FAM171A1: variants seen among roughly 807,000 people sequenced by gnomAD.
FAM171A1 encodes protein FAM171A1.
Under a neutral mutation model 74.9 loss-of-function variants are expected in FAM171A1, and 23 were observed. The observed-to-expected ratio is 0.31, with a 90% CI of 0.22 to 0.44. The LOEUF is 0.44. Among genes scored for constraint, FAM171A1 ranks in the 20% least tolerant of loss-of-function variants. The pLI is 1.00. For synonymous variants in FAM171A1, 527 were observed against 505.7 expected, an observed-to-expected ratio of 1.04 and a Z score of -0.57; for missense variants, 1,162 against 1,159.2, an observed-to-expected ratio of 1.00 and a Z score of -0.03.
intron 3 of FAM171A1, among the ~76,000 whole-genome samples, chr10:15,258,409 T>G (rs1399035418): frequency 6.6e-6 from 1 of 152,196 alleles, no homozygotes; most frequent in Non-Finnish European, 1.5e-5. Flanking sequence ...ATTTAACTTT[T>G]GCTTATTCAT....
At chr10:15,304,459 A>G (rs1355664572) in intron 1 of FAM171A1, among the ~76,000 whole-genome samples, 7 of 152,116 alleles carry the variant, frequency 4.6e-5, no homozygotes, top group Non-Finnish European at 1.0e-4. Context: ...CGCCAGGGCC[A>G]GGTACCAGTC....
intron 5 of FAM171A1, chr10:15,240,705 A>C (rs1256920945): frequency 1.0e-6 from 1 of 984,876 alleles, no homozygotes; most frequent in Non-Finnish European, 1.2e-6. Flanking sequence ...AAAGTGTGTG[A>C]GTTAGAGTTA....
intron 1 of FAM171A1, among the ~76,000 whole-genome samples, chr10:15,326,191 A>C (rs923897820): frequency 6.6e-6 from 1 of 152,062 alleles, no homozygotes; most frequent in South Asian, 2.1e-4. Context: ...CTCCCCTGTA[A>C]CCCATCATTT....
chr10:15,331,867 ATG>A lies in FAM171A1; in HGVS notation c.97+39087_97+39088del, dbSNP rs58180755. Among the ~76,000 whole-genome samples the A allele has an allele frequency of 3.6e-4, 30 of 83,024 alleles. 2 individuals carry two copies. The East Asian group carries it at 5.5e-3, about 15-fold the overall frequency. 54.5% of individuals were successfully genotyped at this position (83,024 alleles called of 152,430 possible). On this transcript the variant is annotated intron_variant, in intron 1 of 7. Transcript: ENST00000378116. ...TGTGTATATATATGTGTGTATATATATGTGTGTGTATACATATATATATATAT... is the reference window on the plus strand; with the variant it reads ...TGTGTATATATATGTGTGTATATATATGTGTGTATACATATATATATATAT...
At chr10:15,305,784 C>T (rs1008777809) in intron 1 of FAM171A1, among the ~76,000 whole-genome samples, 1 of 149,990 alleles carries the variant, frequency 6.7e-6, no homozygotes, top group Admixed American at 6.7e-5. Context: ...ATCCAATATG[C>T]AAATTGGACT....
chr10:15,227,896 A>G (rs1834129576), intron 5 of FAM171A1, among the ~76,000 whole-genome samples: 1 of 152,222 alleles, frequency 6.6e-6, no homozygotes, highest in African/African-American at 2.4e-5. Flanking sequence ...ACAGGCAGGG[A>G]AAGATGTGTC....
chr10:15,316,855 C>T (rs538683800), intron 1 of FAM171A1, among the ~76,000 whole-genome samples: 22 of 152,270 alleles, frequency 1.4e-4, no homozygotes, highest in African/African-American at 4.8e-4. Flanking sequence ...CTTTGACAAG[C>T]AGTTTTACTT....
At chr10:15,230,562 G>A (rs763462122) in intron 5 of FAM171A1, among the ~76,000 whole-genome samples, 12 of 152,198 alleles carry the variant, frequency 7.9e-5, no homozygotes, top group Non-Finnish European at 1.3e-4. Context: ...AAATTAACAC[G>A]ATGACTGTAT....
chr10:15,325,648 GC>G (rs1170009294), intron 1 of FAM171A1, among the ~76,000 whole-genome samples: 1 of 152,158 alleles, frequency 6.6e-6, no homozygotes, highest in Non-Finnish European at 1.5e-5. Context: ...CGTTCCATGG[GC>G]CCCACGGAGT....
intron 1 of FAM171A1, among the ~76,000 whole-genome samples, chr10:15,310,205 G>A (rs1835344095): frequency 6.6e-6 from 1 of 152,172 alleles, no homozygotes; most frequent in Non-Finnish European, 1.5e-5. Context: ...GGAATTTGGT[G>A]GGTAAGAGGA....
chr10:15,217,554 A>G (rs938887136), intron 6 of FAM171A1, among the ~76,000 whole-genome samples: 2 of 152,202 alleles, frequency 1.3e-5, no homozygotes, highest in Non-Finnish European at 2.9e-5. Flanking sequence ...AATTACTTCA[A>G]TGGAGTGCGA....
chr10:15,338,357 C>A (rs1273276815), intron 1 of FAM171A1, among the ~76,000 whole-genome samples: 1 of 152,174 alleles, frequency 6.6e-6, no homozygotes. Context: ...CATTATGTGC[C>A]TATCAAACTA....
chr10:15,317,242 A>G (rs1257272746), intron 1 of FAM171A1, among the ~76,000 whole-genome samples: 1 of 152,144 alleles, frequency 6.6e-6, no homozygotes, highest in Non-Finnish European at 1.5e-5. Flanking sequence ...GGAGAGAGAC[A>G]GGGGTCGCAT....
intron 3 of FAM171A1, among the ~76,000 whole-genome samples, chr10:15,270,377 G>A (rs768696679): frequency 1.3e-5 from 2 of 152,232 alleles, no homozygotes; most frequent in African/African-American, 2.4e-5. Context: ...CAAAATGGCT[G>A]GGAAGCTCGA....
At chr10:15,287,584 C>T (rs1054415622) in intron 1 of FAM171A1, among the ~76,000 whole-genome samples, 3 of 151,998 alleles carry the variant, frequency 2.0e-5, no homozygotes, top group African/African-American at 4.8e-5. Context: ...GACGGGCTTT[C>T]ACCACGTTGG....
At chr10:15,370,240 C>CTTT (rs34087157) in intron 1 of FAM171A1, among the ~76,000 whole-genome samples, 6 of 110,860 alleles carry the variant, frequency 5.4e-5, no homozygotes, top group Admixed American at 9.3e-5. Flanking sequence ...AAGGATTTTT[C>CTTT]TTTTTTTTTT....
At chr10:15,356,539 C>G (rs145393615) in intron 1 of FAM171A1, among the ~76,000 whole-genome samples, 515 of 152,164 alleles carry the variant, frequency 3.4e-3, no homozygotes, top group African/African-American at 0.012. Context: ...CAGCCAAACA[C>G]TAGAAATAAC....
chr10:15,325,871 A>G (rs1835549521), intron 1 of FAM171A1, among the ~76,000 whole-genome samples: 1 of 152,168 alleles, frequency 6.6e-6, no homozygotes, highest in African/African-American at 2.4e-5. Context: ...GTAAAAAGAA[A>G]GGGCTCTGCC....
rs1835185806 is a variant in FAM171A1 at position 15,298,377 on chromosome 10, G to A, written c.98-14272C>T. ...TCAAACTCCTGACCTCAGGTGATCC[G>A]CCTGCCTCGGCCTCCCAAAGTGCTG... On this transcript the variant is annotated intron_variant, in intron 1 of 7. Transcript: ENST00000378116. Among the ~76,000 whole-genome samples, 4 of 151,900 alleles carry A rather than the reference G, an allele frequency of 2.6e-5. No homozygotes were observed. In the South Asian group the frequency reaches 6.3e-4, roughly 24 times the overall value.
Sources: gnomAD v4.1 joint callset for allele counts (sites outside exome capture counted in the v4.1 genomes callset) on GRCh38, gnomAD v4.1.1 for gene constraint, MANE v1.5 for transcripts, NCBI Gene and HGNC (gene_info 2026-07-23, HGNC 2026-07-21) for gene names.